GRM5: variants seen among roughly 807,000 people sequenced by gnomAD.
The protein encoded by GRM5 is glutamate metabotropic receptor 5.
A neutral mutation model predicts 83.1 loss-of-function variants in GRM5; 19 were observed. That is an observed-to-expected ratio of 0.23 (90% CI 0.16 to 0.34). GRM5 has a LOEUF of 0.34. GRM5 is among the 10% of genes least tolerant of loss of function. The pLI, the probability that GRM5 is intolerant of heterozygous loss-of-function variation, is 1.00. For synonymous variants in GRM5, 675 were observed against 633.6 expected (o/e 1.07, Z -0.98); for missense variants, 1,160 against 1,588.3 (o/e 0.73, Z 4.58).
chr11:88,573,714 C>T (rs1381837789), intron 7 of GRM5, among the ~76,000 whole-genome samples: 2 of 152,174 alleles, frequency 1.3e-5, no homozygotes, highest in East Asian at 3.8e-4. Context: ...ATTTGAGCAA[C>T]AGATCTGTCC....
chr11:88,520,734 G>A (rs1160504964), intron 9 of GRM5, among the ~76,000 whole-genome samples: 1 of 151,956 alleles, frequency 6.6e-6, no homozygotes, highest in Non-Finnish European at 1.5e-5. Context: ...TGAATGAAAG[G>A]CAATCCTAAC....
At chr11:88,627,942 G>T (rs774769717) in intron 4 of GRM5, among the ~76,000 whole-genome samples, 2 of 152,042 alleles carry the variant, frequency 1.3e-5, no homozygotes, top group Admixed American at 6.6e-5. Flanking sequence ...TCATGGTTTG[G>T]CATGCATGGT....
In GRM5 at chr11:88,743,873, A is replaced by G. The variant is rs367684810; in HGVS notation, c.912-90470T>C. 7.2e-5 allele frequency among the ~76,000 whole-genome samples: 11 copies of G among 152,336 alleles called. No individual in the cohort carries two copies. The East Asian group carries it at 7.7e-4, about 11-fold the overall frequency. On this transcript the variant is annotated intron_variant, in intron 3 of 9. Transcript: ENST00000305447. ...ATTGACCACACATACAGATTTGGCTATACATGCTAGAAGTAATTGCAGTTA... is the reference window on the plus strand; with the variant it reads ...ATTGACCACACATACAGATTTGGCTGTACATGCTAGAAGTAATTGCAGTTA...
In GRM5 at chr11:88,570,786, C is replaced by T. The variant is rs1276308339; in HGVS notation, c.1691-2794G>A. Among the ~76,000 whole-genome samples the T allele has an allele frequency of 2.7e-5, 4 of 150,938 alleles. No homozygotes were observed. The South Asian group carries it at 6.3e-4, about 24-fold the overall frequency. On this transcript the variant is annotated intron_variant, in intron 7 of 9. Coordinates refer to ENST00000305447, the MANE Select transcript of GRM5 (RefSeq NM_001143831.3). ...ATTTCACCATGTTGGCCAGGCTGGT[C>T]GAACTCCTTGCCCTGAGTGATCCAC...
chr11:88,894,196 C>T (rs978436106), intron 2 of GRM5, among the ~76,000 whole-genome samples: 1 of 151,944 alleles, frequency 6.6e-6, no homozygotes, highest in African/African-American at 2.4e-5. Context: ...GACCAGACTT[C>T]CCTGTGCATT....
intron 3 of GRM5, among the ~76,000 whole-genome samples, chr11:88,814,259 C>T (rs145181211): frequency 5.0e-4 from 76 of 152,252 alleles, no homozygotes; most frequent in African/African-American, 1.7e-3. Flanking sequence ...AATTTCCAGG[C>T]CATTGCAACA....
At chr11:88,517,128 TACACACAC>T (rs60251358) in intron 9 of GRM5, among the ~76,000 whole-genome samples, 16,647 of 148,128 alleles carry the variant, frequency 0.11, 1,106 homozygotes, top group Non-Finnish European at 0.16. Context: ...TTGGCTTCTG[TACACACAC>T]ACACACACAC....
At chr11:88,616,914 C>T (rs1043569310) in intron 4 of GRM5, among the ~76,000 whole-genome samples, 3 of 152,100 alleles carry the variant, frequency 2.0e-5, no homozygotes, top group African/African-American at 7.2e-5. Flanking sequence ...GACAAGGATT[C>T]TGTGTTCCTC....
At chr11:88,610,858 T>C in intron 4 of GRM5, among the ~76,000 whole-genome samples, 1 of 152,228 alleles carries the variant, frequency 6.6e-6, no homozygotes, top group East Asian at 1.9e-4. Flanking sequence ...TGTGGATTTG[T>C]CATAGATGGC....
chr11:89,060,596 T>C lies in GRM5; in HGVS notation c.-201+5180A>G, dbSNP rs1342868526. Reference sequence around the variant, plus strand: ...TGACGTGCTTAATAAATAGTAGTTATTAGAGCAGGGATGAGTCTGCACCAA... The same window carrying C: ...TGACGTGCTTAATAAATAGTAGTTACTAGAGCAGGGATGAGTCTGCACCAA... On this transcript the variant is annotated intron_variant, in intron 1 of 9. Coordinates refer to ENST00000305447, the MANE Select transcript of GRM5 (RefSeq NM_001143831.3). 8.5e-5 allele frequency among the ~76,000 whole-genome samples: 13 copies of C among 152,240 alleles called. No homozygotes were observed. In the East Asian group the frequency reaches 2.5e-3, roughly 29 times the overall value.
chr11:88,712,521 T>C (rs1941305678), intron 3 of GRM5, among the ~76,000 whole-genome samples: 1 of 152,014 alleles, frequency 6.6e-6, no homozygotes, highest in Non-Finnish European at 1.5e-5. Context: ...AGTCTGAAAG[T>C]GTATTACCAA....
At chr11:89,022,384 T>C (rs1207261221) in intron 2 of GRM5, among the ~76,000 whole-genome samples, 2 of 151,784 alleles carry the variant, frequency 1.3e-5, no homozygotes, top group African/African-American at 4.8e-5. Context: ...GGCTCACGTC[T>C]GTAATCCCAG....
intron 3 of GRM5, among the ~76,000 whole-genome samples, chr11:88,811,125 C>T (rs1400083209): frequency 6.6e-6 from 1 of 151,956 alleles, no homozygotes; most frequent in Admixed American, 6.6e-5. Flanking sequence ...TCTCAAGATG[C>T]TATGCCTTAA....
chr11:88,783,794 C>G (rs1181015910), intron 3 of GRM5, among the ~76,000 whole-genome samples: 2 of 151,898 alleles, frequency 1.3e-5, no homozygotes, highest in Admixed American at 6.6e-5. Flanking sequence ...AGCATTAGTT[C>G]TCTTATGAAA....
intron 8 of GRM5, among the ~76,000 whole-genome samples, chr11:88,549,276 G>A (rs1942450862): frequency 6.6e-6 from 1 of 151,806 alleles, no homozygotes; most frequent in Non-Finnish European, 1.5e-5. Context: ...CCAAGTGGGG[G>A]CAACATGGTA....
chr11:88,820,571 C>A (rs1028892620), intron 3 of GRM5, among the ~76,000 whole-genome samples: 1 of 152,262 alleles, frequency 6.6e-6, no homozygotes, highest in East Asian at 1.9e-4. Context: ...CAGTTATTAA[C>A]CCTGCAATCT....
At chr11:88,886,895 T>C (rs1480279506) in intron 2 of GRM5, among the ~76,000 whole-genome samples, 1 of 152,178 alleles carries the variant, frequency 6.6e-6, no homozygotes, top group African/African-American at 2.4e-5. Context: ...GAAGGCATCT[T>C]TGTGATTTTC....
chr11:88,604,589 G>C (rs962824536), intron 5 of GRM5, 129 bp downstream of exon 5: 2 of 757,748 alleles, frequency 2.6e-6, no homozygotes, highest in Non-Finnish European at 4.3e-6. Context: ...GCTCATTTGG[G>C]ATGTCAGGGA....
chr11:88,716,071 T>C (rs914934885), intron 3 of GRM5, among the ~76,000 whole-genome samples: 6 of 151,926 alleles, frequency 3.9e-5, no homozygotes, highest in African/African-American at 1.4e-4. Context: ...AAAAGAAATG[T>C]ATGTTTCTGC....
Sources: gnomAD v4.1 joint callset for allele counts (sites outside exome capture counted in the v4.1 genomes callset) on GRCh38, gnomAD v4.1.1 for gene constraint, MANE v1.5 for transcripts, NCBI Gene and HGNC (gene_info 2026-07-23, HGNC 2026-07-21) for gene names.